PICALM: variants seen among roughly 807,000 people sequenced by gnomAD.
PICALM encodes the protein phosphatidylinositol-binding clathrin assembly protein.
A neutral mutation model predicts 80.5 loss-of-function variants in PICALM; 40 were observed. The observed-to-expected ratio is 0.50, with a 90% CI of 0.39 to 0.65. The LOEUF is 0.65. Ranked by LOEUF, PICALM falls within the 30% of genes least tolerant of loss-of-function variation. PICALM has a pLI of 0.00. For missense variants in PICALM, 676 were observed against 778.9 expected (o/e 0.87, Z 1.57); for synonymous variants, 288 against 260.3 (o/e 1.11, Z -1.02).
chr11:85,972,921 CCAG>C (rs2094154564), intron 19 of PICALM, among the ~76,000 whole-genome samples: 1 of 152,070 alleles, frequency 6.6e-6, no homozygotes, highest in Non-Finnish European at 1.5e-5. Context: ...TCAAGTTAAA[CCAG>C]TAATGAGATT....
At chr11:86,051,947 A>G (rs1039978183) in intron 1 of PICALM, among the ~76,000 whole-genome samples, 1 of 152,238 alleles carries the variant, frequency 6.6e-6, no homozygotes, top group Non-Finnish European at 1.5e-5. Flanking sequence ...AGGTTTGTAT[A>G]AACATTGTGT....
At chr11:86,034,234 A>G (rs1001507051) in intron 1 of PICALM, among the ~76,000 whole-genome samples, 2 of 152,202 alleles carry the variant, frequency 1.3e-5, no homozygotes, top group Non-Finnish European at 2.9e-5. Context: ...TGGGGAGGAT[A>G]TTGAATAAAA....
chr11:86,032,109 G>A (rs1018143427), intron 1 of PICALM, among the ~76,000 whole-genome samples: 3 of 152,118 alleles, frequency 2.0e-5, no homozygotes, highest in African/African-American at 4.8e-5. Flanking sequence ...GCAACAGGAA[G>A]ATAACAGGGC....
At chr11:86,024,654 A>G (rs1028012458) in intron 3 of PICALM, among the ~76,000 whole-genome samples, 9 of 152,030 alleles carry the variant, frequency 5.9e-5, no homozygotes, top group Non-Finnish European at 1.2e-4. Flanking sequence ...TCTATAAAAA[A>G]TTTTTGTGCT....
intron 13 of PICALM, among the ~76,000 whole-genome samples, chr11:85,988,107 G>T (rs1011399744): frequency 2.6e-5 from 4 of 152,132 alleles, no homozygotes; most frequent in African/African-American, 9.7e-5. Flanking sequence ...CTTAACTACA[G>T]TAATAACTAC....
At chr11:86,016,923 T>C (rs1056025320) in intron 4 of PICALM, among the ~76,000 whole-genome samples, 1 of 152,156 alleles carries the variant, frequency 6.6e-6, no homozygotes, top group Non-Finnish European at 1.5e-5. Flanking sequence ...TATTTCTATT[T>C]AAAAAGTGTT....
intron 1 of PICALM, among the ~76,000 whole-genome samples, chr11:86,038,568 G>C (rs1270683493): frequency 3.3e-5 from 5 of 151,992 alleles, no homozygotes; most frequent in Non-Finnish European, 7.4e-5. Flanking sequence ...GGATCATGAG[G>C]TCAGGAGTTC....
At position 86,013,582 on chromosome 11, in the gene PICALM, T is replaced by C. The variant is rs569716295; in HGVS notation, c.547-1190A>G. On this transcript the variant is annotated intron_variant, in intron 5 of 19. Coordinates refer to ENST00000393346, the MANE Select transcript of PICALM (RefSeq NM_007166.4). ...TTAGGATAAAAAAACAGAATAAACA[T>C]CTATCAACAGGAGGATTAGATAAAT... Among the ~76,000 whole-genome samples the C allele has an allele frequency of 7.8e-4, 118 of 152,050 alleles. 1 individual carries two copies. In the South Asian group the frequency reaches 0.023, roughly 30 times the overall value.
At chr11:86,029,027 C>T (rs543339747) in intron 2 of PICALM, among the ~76,000 whole-genome samples, 7 of 152,012 alleles carry the variant, frequency 4.6e-5, no homozygotes, top group East Asian at 1.9e-4. Flanking sequence ...TTACTAGAGA[C>T]GGGGTTTCAC....
chr11:86,044,536 A>C lies in PICALM; in HGVS notation c.131-12925T>G, dbSNP rs551538241. On this transcript the variant is annotated intron_variant, in intron 1 of 19. Coordinates refer to ENST00000393346, the MANE Select transcript of PICALM (RefSeq NM_007166.4). ...ATTCACATGCTTCACAATTAAAACA[A>C]TCTGATCACTTTAAGTGACTCAAAA... Among the ~76,000 whole-genome samples, 16 of 151,618 alleles carry C rather than the reference A, an allele frequency of 1.1e-4. No individual in the cohort carries two copies. In the South Asian group the frequency reaches 3.3e-3, roughly 32 times the overall value.
At chr11:86,015,350 C>G (rs1052052601) in intron 4 of PICALM, among the ~76,000 whole-genome samples, 4 of 152,094 alleles carry the variant, frequency 2.6e-5, no homozygotes, top group African/African-American at 9.7e-5. Context: ...TCATTTGCCT[C>G]AAGTCAAAAA....
chr11:86,043,294 C>T (rs1593273860), intron 1 of PICALM, among the ~76,000 whole-genome samples: 1 of 152,178 alleles, frequency 6.6e-6, no homozygotes, highest in Admixed American at 6.5e-5. Flanking sequence ...TGCCCTCTAA[C>T]CCCTCTACCC....
chr11:86,016,119 C>A (rs546596453), intron 4 of PICALM, among the ~76,000 whole-genome samples: 32 of 152,230 alleles, frequency 2.1e-4, no homozygotes, highest in Non-Finnish European at 4.4e-4. Flanking sequence ...TTTTGCAACT[C>A]TTCTTACTGA....
chr11:86,009,682 G>A (rs1043707314), intron 7 of PICALM, among the ~76,000 whole-genome samples: 2 of 151,892 alleles, frequency 1.3e-5, no homozygotes, highest in Non-Finnish European at 2.9e-5. Flanking sequence ...ACAAGAGCAA[G>A]ACTTCATCTC....
intron 13 of PICALM, among the ~76,000 whole-genome samples, chr11:85,987,467 C>T (rs528140119): frequency 3.9e-5 from 6 of 152,204 alleles, no homozygotes; most frequent in Non-Finnish European, 8.8e-5. Flanking sequence ...ACTTCTTGAG[C>T]TTTTCATTGC....
rs187437749 is a variant in PICALM, at chr11:85,974,034, C to T, written c.1944+674G>A. 1.9e-3 allele frequency among the ~76,000 whole-genome samples: 288 copies of T among 150,792 alleles called. 1 individual carries two copies. The highest frequency in any genetic ancestry group is 6.4e-3 in the African/African-American group (262 of 41,084). ...AATTTCCTATATCTTCTAACCGTAACGGGTAAAACATTAAAAAAAAAAAAT... is the reference window on the plus strand; with the variant it reads ...AATTTCCTATATCTTCTAACCGTAATGGGTAAAACATTAAAAAAAAAAAAT... On this transcript the variant is annotated intron_variant, in intron 19 of 19. Coordinates refer to ENST00000393346, the MANE Select transcript of PICALM (RefSeq NM_007166.4).
Position 85,957,303 on chromosome 11 carries a change from T to C in PICALM, c.*1743A>G, listed in dbSNP as rs1025059152. On this transcript the variant is annotated 3_prime_UTR_variant, in exon 20 of 20. Coordinates refer to ENST00000393346, the MANE Select transcript of PICALM (RefSeq NM_007166.4). ...TATCAATGCAAAGCTTTTGATCCTTTATCATGTACTCTGAACCCTATGCAC... is the reference window on the plus strand; with the variant it reads ...TATCAATGCAAAGCTTTTGATCCTTCATCATGTACTCTGAACCCTATGCAC... Among the ~76,000 whole-genome samples, 8 of 152,232 alleles carry C rather than the reference T, an allele frequency of 5.3e-5. No homozygotes were observed. The highest frequency in any genetic ancestry group is 1.9e-4 in the African/African-American group (8 of 41,468).
chr11:85,962,688 A>G (rs1011611473), intron 19 of PICALM, among the ~76,000 whole-genome samples: 6 of 152,234 alleles, frequency 3.9e-5, no homozygotes, highest in Admixed American at 6.5e-5. Context: ...TACACGTCTC[A>G]TATCTATAAA....
intron 4 of PICALM, among the ~76,000 whole-genome samples, chr11:86,018,244 A>G (rs1592971006): frequency 6.6e-6 from 1 of 152,348 alleles, no homozygotes; most frequent in South Asian, 2.1e-4. Flanking sequence ...TAATAAAACA[A>G]GTATGGCATT....
Sources: allele counts gnomAD v4.1 joint callset (sites outside exome capture counted in the v4.1 genomes callset), GRCh38; gene constraint gnomAD v4.1.1; transcripts MANE v1.5; gene names NCBI Gene and HGNC (gene_info 2026-07-23, HGNC 2026-07-21).